Variants in FMO3 observed in about 807,000 individuals in gnomAD.
FMO3 encodes flavin containing dimethylaniline monoxygenase 3.
A neutral mutation model predicts 39.4 loss-of-function variants in FMO3; 40 were observed. The ratio of observed to expected loss-of-function variants is 1.02; its 90% confidence interval spans 0.79 to 1.32. The LOEUF (loss-of-function observed/expected upper bound fraction) is 1.32, where lower values mean the gene tolerates loss of function less well. Among genes scored for constraint, FMO3 ranks in the 40% most tolerant of loss-of-function variants. FMO3 has a pLI of 0.00. For synonymous variants in FMO3, 219 were observed against 228.8 expected, an observed-to-expected ratio of 0.96 and a Z score of 0.39; for missense variants, 680 against 651.8, an observed-to-expected ratio of 1.04 and a Z score of -0.47.
chr1:171,112,617 G>A (rs1029221963), intron 6 of FMO3, among the ~76,000 whole-genome samples: 19 of 152,164 alleles, frequency 1.2e-4, no homozygotes, highest in African/African-American at 4.6e-4. Flanking sequence ...AAAAACTGCA[G>A]GAGGAACAGA....
intron 1 of FMO3, among the ~76,000 whole-genome samples, chr1:171,091,807 G>T (rs1030987647): frequency 5.9e-5 from 9 of 152,062 alleles, no homozygotes; most frequent in Non-Finnish European, 1.2e-4. Flanking sequence ...GGGAGAAGGG[G>T]TGACTACCTG....
chr1:171,096,789 T>A (rs964006150), intron 2 of FMO3, among the ~76,000 whole-genome samples: 62 of 142,794 alleles, frequency 4.3e-4, no homozygotes, highest in Middle Eastern at 3.7e-3. Context: ...ATATTAAAAA[T>A]ATATATATTT....
At position 171,108,081 on chromosome 1, in the gene FMO3, C is replaced by A; in HGVS notation, c.487C>A (p.Leu163Ile). The change falls in exon 5 of 9, where the codon CTA (leucine) becomes ATA (isoleucine). Residue 163 changes from leucine to isoleucine, a missense_variant and splice_region_variant. By Grantham distance (5) the Leu-to-Ile change is conservative. Transcript: ENST00000367755. ...TGTATTTCTCACTTTTCACTCAGGA[C>A]TAAACCACTTTAAAGGCAAATGCTT... ...PNLPKESFPG[L>I]NHFKGKCFHS... is the part of the protein sequence containing the mutation. 1 of 1,613,738 alleles carries A rather than the reference C, an allele frequency of 6.2e-7. No individual in the cohort carries two copies. Among genetic ancestry groups the A allele is most frequent in the Non-Finnish European group, 8.5e-7 (1 of 1,179,808 alleles).
At chr1:171,096,787 A>AATATAAAT (rs1326128295) in intron 2 of FMO3, among the ~76,000 whole-genome samples, 1 of 143,070 alleles carries the variant, frequency 7.0e-6, no homozygotes, top group Non-Finnish European at 1.5e-5. Flanking sequence ...TTATATTAAA[A>AATATAAAT]ATATATATAT....
At chr1:171,096,158 TA>T (rs1339684672) in intron 2 of FMO3, among the ~76,000 whole-genome samples, 1 of 76,884 alleles carries the variant, frequency 1.3e-5, no homozygotes, top group East Asian at 3.8e-4. Flanking sequence ...TATGAATATA[TA>T]ATATATATAA....
rs202077178 is a variant in FMO3, at chr1:171,108,234, G to A, written c.627+13G>A. The A allele has an allele frequency of 3.6e-5, 58 of 1,613,494 alleles. No individual in the cohort carries two copies. The highest frequency in any genetic ancestry group is 2.3e-4 in the Admixed American group (14 of 59,966). On this transcript the variant is annotated intron_variant, in intron 5 of 8. Coordinates refer to ENST00000367755, the MANE Select transcript of FMO3 (RefSeq NM_001002294.3). ...CACAGCAGAACAGGTACTACTCCCC[G>A]GGTACTCGGGTGACTCTCGTTACTG... is the stretch of plus-strand genomic sequence containing the variant.
chr1:171,095,995 T>TAA (rs1654968042), intron 2 of FMO3, among the ~76,000 whole-genome samples: 1 of 37,834 alleles, frequency 2.6e-5, no homozygotes, highest in East Asian at 7.7e-4. Context: ...TTTTATATAT[T>TAA]TTTATATATT....
Position 171,117,607 on chromosome 1 carries a change from T to C in FMO3, c.*165T>C. 1 of 585,740 alleles carries C rather than the reference T, an allele frequency of 1.7e-6. No homozygotes were observed. Among genetic ancestry groups the C allele is most frequent in the East Asian group, 2.8e-5 (1 of 35,742 alleles). The allele number at this position is 585,740 out of a possible 1,614,324, so 36.3% of individuals were successfully genotyped here. ...ACAGTGTTATTTCTAGGCTCTGAAA[T>C]AGCCACTTTAAGAATCATGTCATGA... On this transcript the variant is annotated 3_prime_UTR_variant, in exon 9 of 9. Coordinates refer to ENST00000367755, the MANE Select transcript of FMO3 (RefSeq NM_001002294.3).
chr1:171,117,391 G>C lies in FMO3; in HGVS notation c.1548G>C (p.Lys516Asn), dbSNP rs770764636. 1 of 1,613,172 alleles carries C rather than the reference G, an allele frequency of 6.2e-7. No individual in the cohort carries two copies. The highest frequency in any genetic ancestry group is 2.2e-5 in the East Asian group (1 of 44,880). Residue 516 changes from lysine to asparagine, a missense_variant, in exon 9 of 9, where the codon AAG (lysine) becomes AAC (asparagine). Coordinates refer to ENST00000367755, the MANE Select transcript of FMO3 (RefSeq NM_001002294.3). ...CTTGCTTCTTTTTCCATTGGCTGAA[G>C]CTCTTTGCAATTCCTATTCTGTTAA... The part of the protein sequence containing the change: ...QKPCFFFHWL[K>N]LFAIPILLIA...
At chr1:171,097,774 G>C (rs1042278480) in intron 2 of FMO3, among the ~76,000 whole-genome samples, 2 of 151,512 alleles carry the variant, frequency 1.3e-5, no homozygotes, top group African/African-American at 2.4e-5. Context: ...TTCTTTTGCT[G>C]TGCAGAAGCT....
At position 171,117,690 on chromosome 1, in the gene FMO3, CTATG is replaced by C. The variant is rs1656225857; in HGVS notation, c.*250_*253del. On this transcript the variant is annotated 3_prime_UTR_variant, in exon 9 of 9. Coordinates refer to ENST00000367755, the MANE Select transcript of FMO3 (RefSeq NM_001002294.3). ...TTCCACTAACACTTCAAAATCAGAA[CTATG>C]TTCTTTATATCTAACTTAAATCATT... is the stretch of plus-strand genomic sequence containing the variant. The C allele has an allele frequency of 2.5e-6, 1 of 398,906 alleles. No homozygotes were observed. Among genetic ancestry groups the C allele is most frequent in the African/African-American group, 2.0e-5 (1 of 49,006 alleles). 24.7% of individuals were successfully genotyped at this position (398,906 alleles called of 1,614,324 possible).
intron 3 of FMO3, among the ~76,000 whole-genome samples, chr1:171,105,923 T>C (rs551857881): frequency 1.8e-3 from 270 of 152,238 alleles, no homozygotes; most frequent in Non-Finnish European, 2.9e-3. Context: ...TTTATCTTAA[T>C]TTATCTTAAA....
chr1:171,093,344 G>A (rs1359764477), intron 2 of FMO3, among the ~76,000 whole-genome samples: 1 of 151,982 alleles, frequency 6.6e-6, no homozygotes, highest in African/African-American at 2.4e-5. Flanking sequence ...TATACATTAT[G>A]TAGCTCCCAA....
intron 7 of FMO3, among the ~76,000 whole-genome samples, chr1:171,115,549 G>A (rs914430408): frequency 6.6e-6 from 1 of 152,156 alleles, no homozygotes; most frequent in Admixed American, 6.6e-5. Context: ...TGGGCTAAGA[G>A]TTTTATTCTC....
In FMO3 at chr1:171,108,098, C is replaced by A; in HGVS notation, c.504C>A (p.Gly168=). 6.2e-7 allele frequency: 1 copy of A among 1,613,764 alleles called. No homozygotes were observed. The highest frequency in any genetic ancestry group is 2.2e-5 in the East Asian group (1 of 44,870). ...ACTCAGGACTAAACCACTTTAAAGG[C>A]AAATGCTTCCACAGCAGGGACTATA... ...ESFPGLNHFK[G]KCFHSRDYKE... is the part of the protein sequence containing the mutation. Residue 168 remains glycine, a synonymous_variant, in exon 5 of 9, where the codon GGC becomes GGA. Coordinates refer to ENST00000367755, the MANE Select transcript of FMO3 (RefSeq NM_001002294.3).
chr1:171,114,163 A>T lies in FMO3; in HGVS notation c.984A>T (p.Ala328=). The T allele has an allele frequency of 6.2e-7, 1 of 1,614,060 alleles. No homozygotes were observed. Among genetic ancestry groups the T allele is most frequent in the Non-Finnish European group, 8.5e-7 (1 of 1,179,956 alleles). The part of the protein sequence containing the change: ...IFEGIDCVIF[A]TGYSFAYPFL... ...AGGGCATTGACTGTGTAATCTTTGC[A>T]ACAGGGTATAGTTTTGCCTACCCCT... The change falls in exon 7 of 9, where the codon GCA becomes GCT. Residue 328 remains alanine (A), a synonymous_variant. Transcript: ENST00000367755.
At chr1:171,115,802 T>G (rs1656120764) in intron 7 of FMO3, among the ~76,000 whole-genome samples, 1 of 152,138 alleles carries the variant, frequency 6.6e-6, no homozygotes, top group Non-Finnish European at 1.5e-5. Flanking sequence ...AACTTAGCCC[T>G]TCACCAAATT....
In FMO3 at chr1:171,108,167, C is replaced by T. The variant is rs1248399631; in HGVS notation, c.573C>T (p.Gly191=). Residue 191 remains glycine, a synonymous_variant, in exon 5 of 9, where the codon GGC becomes GGT. Coordinates refer to ENST00000367755, the MANE Select transcript of FMO3 (RefSeq NM_001002294.3). ...ATGGAAAGCGTGTCCTGGTGGTTGG[C>T]CTGGGGAATTCGGGCTGTGATATTG... is the stretch of plus-strand genomic sequence containing the variant. The part of the protein sequence containing the change: ...VFNGKRVLVV[G]LGNSGCDIAT... 5.0e-6 allele frequency: 8 copies of T among 1,613,796 alleles called. No homozygotes were observed. The South Asian group carries it at 5.5e-5, about 11-fold the overall frequency.
chr1:171,093,728 G>A (rs1043382690), intron 2 of FMO3, among the ~76,000 whole-genome samples: 3 of 150,900 alleles, frequency 2.0e-5, no homozygotes, highest in Admixed American at 1.3e-4. Context: ...GGGTCAAATG[G>A]TAGTTCTATT....
Sources: gnomAD v4.1 joint callset for allele counts (sites outside exome capture counted in the v4.1 genomes callset) on GRCh38, gnomAD v4.1.1 for gene constraint, MANE v1.5 for transcripts, NCBI Gene and HGNC (gene_info 2026-07-23, HGNC 2026-07-21) for gene names.